NLGN1: variants seen among roughly 807,000 people sequenced by gnomAD.
NLGN1 encodes neuroligin-1.
A neutral mutation model predicts 65.5 loss-of-function variants in NLGN1; 12 were observed. The ratio of observed to expected loss-of-function variants is 0.18; its 90% confidence interval spans 0.12 to 0.30. NLGN1 has a LOEUF of 0.30. NLGN1 is among the 10% of genes least tolerant of loss of function. NLGN1 has a pLI of 1.00. For missense variants in NLGN1, 750 were observed against 1,007.1 expected (o/e 0.74, Z 3.46); for synonymous variants, 350 against 359.5 (o/e 0.97, Z 0.30).
At chr3:173,924,844 A>G (rs543243093) in intron 4 of NLGN1, among the ~76,000 whole-genome samples, 1 of 152,248 alleles carries the variant, frequency 6.6e-6, no homozygotes, top group Non-Finnish European at 1.5e-5. Flanking sequence ...CCTTTCAAAG[A>G]TCATCTGGTT....
upstream of NLGN1, among the ~76,000 whole-genome samples, chr3:173,397,598 T>C (rs999700266): frequency 9.2e-5 from 14 of 151,964 alleles, no homozygotes; most frequent in African/African-American, 3.1e-4. Context: ...TCTTCTTTCT[T>C]CTTGGCCTCA....
chr3:173,397,553 G>A (rs867279912), upstream of NLGN1, among the ~76,000 whole-genome samples: 6 of 150,530 alleles, frequency 4.0e-5, no homozygotes, highest in South Asian at 1.0e-3. Context: ...TGCCCCCTCT[G>A]TCCTTTCTTC....
At chr3:174,219,296 C>CT (rs1738208737) in intron 4 of NLGN1, among the ~76,000 whole-genome samples, 1 of 152,058 alleles carries the variant, frequency 6.6e-6, no homozygotes, top group Non-Finnish European at 1.5e-5. Flanking sequence ...TTGGATCCTG[C>CT]TTCTTCCACT....
intron 4 of NLGN1, among the ~76,000 whole-genome samples, chr3:173,938,164 G>A (rs1745374215): frequency 6.6e-6 from 1 of 152,124 alleles, no homozygotes; most frequent in Admixed American, 6.6e-5. Context: ...TTTTGAGTGT[G>A]GTTGAGTAGT....
intron 3 of NLGN1, among the ~76,000 whole-genome samples, chr3:173,782,909 G>A (rs1781394056): frequency 6.6e-6 from 1 of 151,528 alleles, no homozygotes. Flanking sequence ...ACTAATACAT[G>A]TACTAATACA....
chr3:173,913,439 A>G (rs923545904), intron 4 of NLGN1, among the ~76,000 whole-genome samples: 1 of 152,194 alleles, frequency 6.6e-6, no homozygotes, highest in Non-Finnish European at 1.5e-5. Flanking sequence ...ACTAAGAGCC[A>G]AAGGATTTTC....
intron 4 of NLGN1, among the ~76,000 whole-genome samples, chr3:173,894,412 C>T (rs553527413): frequency 5.4e-4 from 82 of 152,226 alleles, no homozygotes; most frequent in African/African-American, 2.0e-3. Flanking sequence ...AAGTTTTCAA[C>T]CTCCTGGGTT....
intron 3 of NLGN1, among the ~76,000 whole-genome samples, chr3:173,797,696 C>CAAAAAAAAAAAAAAAAAAA (rs112560290): frequency 2.8e-5 from 4 of 144,680 alleles, no homozygotes; most frequent in East Asian, 4.2e-4. Flanking sequence ...ACAACAACAA[C>CAAAAAAAAAAAAAAAAAAA]AACAAAAAAA....
At position 173,488,217 on chromosome 3, in the gene NLGN1, T is replaced by C. The variant is rs190551859; in HGVS notation, c.-321+53139T>C. The stretch of plus-strand genomic sequence containing the variant: ...TAAGAATCTTAGAATATTATTTTAC[T>C]TTGATCACTACCCACCTCATCATTT... On this transcript the variant is annotated intron_variant, in intron 2 of 6. Transcript: ENST00000457714. Among the ~76,000 whole-genome samples the C allele has an allele frequency of 3.4e-3, 510 of 152,180 alleles. 7 individuals are homozygous for C. The highest frequency in any genetic ancestry group is 0.031 in the Admixed American group (471 of 15,262).
intron 4 of NLGN1, among the ~76,000 whole-genome samples, chr3:174,269,913 T>C (rs1455330516): frequency 6.6e-6 from 1 of 151,944 alleles, no homozygotes. Context: ...CATTTTTTAA[T>C]GATTAGTGAT....
At chr3:174,253,105 T>C (rs567788000) in intron 4 of NLGN1, among the ~76,000 whole-genome samples, 47 of 152,326 alleles carry the variant, frequency 3.1e-4, no homozygotes, top group Non-Finnish European at 5.3e-4. Flanking sequence ...TACAAATTGA[T>C]GTAGAAGTGC....
chr3:173,955,286 C>T (rs953749616), intron 4 of NLGN1, among the ~76,000 whole-genome samples: 10 of 151,998 alleles, frequency 6.6e-5, no homozygotes, highest in Admixed American at 3.3e-4. Context: ...TTGCTGATGC[C>T]GCTCATAGAG....
At chr3:174,192,130 A>T (rs1305191019) in intron 4 of NLGN1, among the ~76,000 whole-genome samples, 1 of 152,090 alleles carries the variant, frequency 6.6e-6, no homozygotes, top group East Asian at 1.9e-4. Flanking sequence ...GGGCAGATAC[A>T]TGTTTTGTTT....
chr3:173,523,639 G>A (rs538358599), intron 2 of NLGN1, among the ~76,000 whole-genome samples: 6 of 151,636 alleles, frequency 4.0e-5, no homozygotes, highest in South Asian at 4.2e-4. Context: ...CCAATACCAC[G>A]CTGTTTTAGT....
At chr3:174,106,181 A>G (rs1035193558) in intron 4 of NLGN1, among the ~76,000 whole-genome samples, 2 of 152,204 alleles carry the variant, frequency 1.3e-5, no homozygotes, top group African/African-American at 4.8e-5. Context: ...GTTAGAATCT[A>G]GAGCTCGCAT....
At chr3:173,759,494 C>T (rs1199475753) in intron 3 of NLGN1, among the ~76,000 whole-genome samples, 2 of 151,852 alleles carry the variant, frequency 1.3e-5, no homozygotes, top group African/African-American at 4.8e-5. Flanking sequence ...AATTTGAACA[C>T]GTTTTCACAT....
At chr3:174,215,969 A>G (rs534773480) in intron 4 of NLGN1, among the ~76,000 whole-genome samples, 1 of 152,210 alleles carries the variant, frequency 6.6e-6, no homozygotes, top group Admixed American at 6.5e-5. Flanking sequence ...TCCCTCTTCA[A>G]CAGTCAAATC....
intron 4 of NLGN1, among the ~76,000 whole-genome samples, chr3:173,900,883 A>G (rs895718448): frequency 3.3e-5 from 5 of 152,052 alleles, no homozygotes; most frequent in African/African-American, 9.7e-5. Context: ...TTATACTGAC[A>G]TGGCGGGAAA....
intron 2 of NLGN1, among the ~76,000 whole-genome samples, chr3:173,435,805 A>G (rs1718031895): frequency 6.6e-6 from 1 of 152,222 alleles, no homozygotes; most frequent in African/African-American, 2.4e-5. Context: ...ACTGCACTCC[A>G]TCCTGGGCAA....
Sources: gnomAD v4.1 joint callset for allele counts (sites outside exome capture counted in the v4.1 genomes callset) on GRCh38, gnomAD v4.1.1 for gene constraint, MANE v1.5 for transcripts, NCBI Gene and HGNC (gene_info 2026-07-23, HGNC 2026-07-21) for gene names.